Variants in THAP5 observed in about 807,000 individuals in gnomAD.
THAP5 encodes the protein THAP domain containing 5.
THAP5 carries 26 observed loss-of-function variants against 34.0 expected under a neutral mutation model. The ratio of observed to expected loss-of-function variants is 0.77; its 90% confidence interval spans 0.56 to 1.06. The LOEUF is 1.06. Ranked by LOEUF, THAP5 falls within the 50% of genes least tolerant of loss-of-function variation. The pLI is 0.00. For missense variants in THAP5, 394 were observed against 452.8 expected, an observed-to-expected ratio of 0.87 and a Z score of 1.18; for synonymous variants, 125 against 153.0, an observed-to-expected ratio of 0.82 and a Z score of 1.35.
intron 1 of THAP5, among the ~76,000 whole-genome samples, chr7:108,556,639 G>A (rs1216339320): frequency 6.6e-6 from 1 of 152,236 alleles, no homozygotes; most frequent in Admixed American, 6.5e-5. Context: ...CTCTTCCCCT[G>A]TGACTCTACA....
chr7:108,546,198 GAT>G, the THAP5 span, among the ~76,000 whole-genome samples: 1 of 152,260 alleles, frequency 6.6e-6, no homozygotes, highest in African/African-American at 2.4e-5. Context: ...GGCCACAAGA[GAT>G]AGCATATTAT....
At chr7:108,557,741 C>T (rs1335161676), downstream of THAP5, among the ~76,000 whole-genome samples, 1 of 152,214 alleles carries the variant, frequency 6.6e-6, no homozygotes, top group Non-Finnish European at 1.5e-5. Context: ...CCAAATTGTT[C>T]CAACCTTTGC....
chr7:108,551,016 T>A (rs1564007124), downstream of THAP5, among the ~76,000 whole-genome samples: 1 of 152,200 alleles, frequency 6.6e-6, no homozygotes, highest in Non-Finnish European at 1.5e-5. Context: ...TTATAACATT[T>A]TAAATTACTA....
downstream of THAP5, among the ~76,000 whole-genome samples, chr7:108,561,812 G>A (rs73713149): frequency 0.059 from 9,010 of 152,088 alleles, 607 homozygotes; most frequent in African/African-American, 0.17. Context: ...TTCTGATGTA[G>A]GAAGAGAAAA....
intron 2 of THAP5, 95 bp from the exon 3 acceptor site, chr7:108,565,200 C>G: frequency 1.0e-6 from 1 of 969,636 alleles, no homozygotes; most frequent in Non-Finnish European, 1.5e-6. Flanking sequence ...GTACACTGGC[C>G]AAGCAAATTT....
Position 108,565,114 on chromosome 7 carries a change from T to C in THAP5, c.274-9A>G. On this transcript the variant is annotated splice_polypyrimidine_tract_variant and intron_variant, in intron 2 of 2. Transcript: ENST00000415914. ...TTAGAAGGGTCTTTTCCCTAGAAAATAATATTTTCATGTTCTGAAAAAGAT... is the reference window on the plus strand; with the variant it reads ...TTAGAAGGGTCTTTTCCCTAGAAAACAATATTTTCATGTTCTGAAAAAGAT... 6.7e-7 allele frequency: 1 copy of C among 1,483,804 alleles called. No homozygotes were observed. The highest frequency in any genetic ancestry group is 8.9e-7 in the Non-Finnish European group (1 of 1,118,664). The allele number at this position is 1,483,804 out of a possible 1,614,324, so 91.9% of individuals were successfully genotyped here.
In THAP5 at chr7:108,569,601, G is replaced by C. The variant is rs376968497; in HGVS notation, c.-32C>G. On this transcript the variant is annotated 5_prime_UTR_variant, in exon 1 of 3. Coordinates refer to ENST00000415914, the MANE Select transcript of THAP5 (RefSeq NM_001130475.3). ...GGTGAGGCCCCTGGAGACCGGGGCCGGCGACGGATGCAGGGCGGCCCTCCT... is the reference window on the plus strand; with the variant it reads ...GGTGAGGCCCCTGGAGACCGGGGCCCGCGACGGATGCAGGGCGGCCCTCCT... The C allele has an allele frequency of 1.3e-6, 2 of 1,549,468 alleles. No individual in the cohort carries two copies. Among genetic ancestry groups the C allele is most frequent in the Admixed American group, 3.9e-5 (2 of 51,012 alleles).
the THAP5 span, among the ~76,000 whole-genome samples, chr7:108,546,672 T>C: frequency 6.6e-6 from 1 of 152,216 alleles, no homozygotes; most frequent in Non-Finnish European, 1.5e-5. Flanking sequence ...CTATTCTTAA[T>C]AGTGCTGTCG....
the THAP5 span, among the ~76,000 whole-genome samples, chr7:108,542,425 A>G: frequency 6.8e-4 from 104 of 152,260 alleles, 2 homozygotes; most frequent in African/African-American, 2.4e-3. Flanking sequence ...TCAGATATTT[A>G]GGCATGGCTT....
chr7:108,569,619 G>T lies in THAP5; in HGVS notation c.-50C>A. On this transcript the variant is annotated 5_prime_UTR_variant, in exon 1 of 3. Coordinates refer to ENST00000415914, the MANE Select transcript of THAP5 (RefSeq NM_001130475.3). ...CGGGGCCGGCGACGGATGCAGGGCGGCCCTCCTCACTGAGGATGCGCCACA... is the reference window on the plus strand; with the variant it reads ...CGGGGCCGGCGACGGATGCAGGGCGTCCCTCCTCACTGAGGATGCGCCACA... 1 of 1,545,992 alleles carries T rather than the reference G, an allele frequency of 6.5e-7. No homozygotes were observed. The highest frequency in any genetic ancestry group is 8.7e-7 in the Non-Finnish European group (1 of 1,146,054).
chr7:108,543,279 G>C, the THAP5 span, among the ~76,000 whole-genome samples: 2 of 152,140 alleles, frequency 1.3e-5, no homozygotes, highest in Admixed American at 6.6e-5. Context: ...AGCATGGTGA[G>C]CTCAGGGTTG....
rs1185600849 is a variant in THAP5, at chr7:108,566,039, AAAG to A, written c.81-20_81-18del. The A allele has an allele frequency of 1.2e-5, 18 of 1,495,528 alleles. No homozygotes were observed. Among genetic ancestry groups the A allele is most frequent in the African/African-American group, 1.1e-4 (8 of 69,994 alleles). The allele number at this position is 1,495,528 out of a possible 1,614,324, so 92.6% of individuals were successfully genotyped here. A position where few individuals can be genotyped will look rare whatever the true frequency, so the allele number is the denominator to read the frequency against. On this transcript the variant is annotated intron_variant, in intron 1 of 2. Transcript: ENST00000415914. ...AGAGGAAATCTGGAATTTAAAAAAA[AAAG>A]AAGAAAAAAGGAAAAACTTTGCTAT... is the stretch of plus-strand genomic sequence containing the variant.
rs1173220640 is a variant in THAP5 at position 108,563,541 on chromosome 7, A to C, written c.*650T>G. On this transcript the variant is annotated 3_prime_UTR_variant, in exon 3 of 3. Transcript: ENST00000415914. The stretch of plus-strand genomic sequence containing the variant: ...TTACAGAGTGAGACTCCATCTCAAA[A>C]AAAAAAAAAAAAAAAAAAAAAAAAA... The C allele has an allele frequency of 1.3e-5, 1 of 74,534 alleles. No homozygotes were observed. Among genetic ancestry groups the C allele is most frequent in the East Asian group, 2.2e-4 (1 of 4,512 alleles). The allele number at this position is 74,534 out of a possible 1,614,324, so 4.6% of individuals were successfully genotyped here.
chr7:108,541,927 T>C, the THAP5 span, among the ~76,000 whole-genome samples: 1 of 152,218 alleles, frequency 6.6e-6, no homozygotes, highest in African/African-American at 2.4e-5. Context: ...AAGTTACAAC[T>C]GTAATATTTC....
rs145849233 is a variant in THAP5 at position 108,564,401 on chromosome 7, T to C, written c.978A>G (p.Arg326=). The change falls in exon 3 of 3, where the codon AGA becomes AGG. Residue 326 remains arginine (R), a synonymous_variant. Transcript: ENST00000415914. ...EVLQIEHSYC[R]QDINKEHLWQ... Reference sequence around the variant, plus strand: ...AAAGATGTTCCTTATTTATATCTTGTCTGCAGTAAGAATGTTCGATTTGTA... The same window carrying C: ...AAAGATGTTCCTTATTTATATCTTGCCTGCAGTAAGAATGTTCGATTTGTA... 39 of 1,613,772 alleles carry C rather than the reference T, an allele frequency of 2.4e-5. No homozygotes were observed. The highest frequency in any genetic ancestry group is 3.2e-5 in the Non-Finnish European group (38 of 1,179,894).
the THAP5 span, among the ~76,000 whole-genome samples, chr7:108,542,340 T>A: frequency 7.2e-5 from 11 of 152,368 alleles, no homozygotes; most frequent in Non-Finnish European, 1.3e-4. Context: ...TCAGGTTATC[T>A]TTTTCTGCAT....
exon 2 of THAP5, chr7:108,554,750 C>A (rs1434067083): frequency 2.0e-5 from 3 of 152,174 alleles, no homozygotes; most frequent in South Asian, 2.1e-4. Context: ...TCAGAGAAAT[C>A]ATCTTTTCCT....
the THAP5 span, among the ~76,000 whole-genome samples, chr7:108,549,087 A>AAT: frequency 9.2e-6 from 1 of 108,542 alleles, no homozygotes; most frequent in African/African-American, 4.3e-5. Flanking sequence ...TAACATGCTT[A>AAT]ATACACACAC....
downstream of THAP5, among the ~76,000 whole-genome samples, chr7:108,549,680 C>A (rs371470902): frequency 3.5e-4 from 54 of 152,322 alleles, no homozygotes; most frequent in African/African-American, 1.3e-3. Flanking sequence ...CTTCCATGCA[C>A]ATTTCATGTC....
Sources: allele counts gnomAD v4.1 joint callset (sites outside exome capture counted in the v4.1 genomes callset), GRCh38; gene constraint gnomAD v4.1.1; transcripts MANE v1.5; gene names NCBI Gene and HGNC (gene_info 2026-07-23, HGNC 2026-07-21).